Variants in STAG3 observed in about 807,000 individuals in gnomAD.
STAG3 encodes the protein cohesin subunit SA-3.
A neutral mutation model predicts 160.7 loss-of-function variants in STAG3; 101 were observed. That is an observed-to-expected ratio of 0.63 (90% CI 0.54 to 0.74). STAG3 has a LOEUF of 0.74. STAG3 is among the 30% of genes least tolerant of loss of function. The probability of loss-of-function intolerance (pLI) is 0.00; values close to 1 mark genes in which losing one functional copy is unlikely to be tolerated. For missense variants in STAG3, 1,188 were observed against 1,517.4 expected (o/e 0.78, Z 3.61); for synonymous variants, 519 against 585.0 (o/e 0.89, Z 1.63).
chr7:100,184,588 C>G (rs1207737096), intron 4 of STAG3, among the ~76,000 whole-genome samples: 5 of 151,118 alleles, frequency 3.3e-5, no homozygotes, highest in Non-Finnish European at 5.9e-5. Flanking sequence ...CTGCCTCAGC[C>G]TCCCGAGTAG....
chr7:100,182,691 T>A (rs371037935), intron 3 of STAG3, 32 bp from the exon 4 acceptor site: 1 of 1,607,232 alleles, frequency 6.2e-7, no homozygotes, highest in Admixed American at 1.7e-5. Flanking sequence ...TTTGTTTTTT[T>A]TTCATATTTC....
At chr7:100,210,790 A>G (rs530289623) in intron 29 of STAG3, among the ~76,000 whole-genome samples, 1 of 152,304 alleles carries the variant, frequency 6.6e-6, no homozygotes, top group African/African-American at 2.4e-5. Context: ...CTTCTTGGAC[A>G]AGGCCTAGCT....
At chr7:100,195,165 T>A in intron 8 of STAG3, 144 bp from the exon 9 acceptor site, 1 of 742,964 alleles carries the variant, frequency 1.3e-6, no homozygotes, top group Non-Finnish European at 2.4e-6. Context: ...ATTAGAAGGT[T>A]TAAAAGAGAG....
intron 4 of STAG3, among the ~76,000 whole-genome samples, chr7:100,185,731 AT>A (rs1799955268): frequency 1.3e-5 from 2 of 151,954 alleles, no homozygotes; most frequent in South Asian, 2.1e-4. Context: ...AGAAAGAATT[AT>A]TTTTTTTCCC....
At chr7:100,212,648 G>C (rs191620330) in intron 32 of STAG3, 1 of 152,022 alleles carries the variant, frequency 6.6e-6, no homozygotes, top group Admixed American at 6.6e-5. Flanking sequence ...TAGTAGAGAC[G>C]GGGTTTTGCC....
intron 25 of STAG3, among the ~76,000 whole-genome samples, chr7:100,203,418 T>C (rs1801328041): frequency 1.3e-5 from 2 of 152,174 alleles, no homozygotes; most frequent in Admixed American, 6.5e-5. Flanking sequence ...CCTGACCTTG[T>C]GATCCGCCCA....
intron 4 of STAG3, among the ~76,000 whole-genome samples, chr7:100,183,315 T>C (rs1463030589): frequency 2.0e-5 from 3 of 152,148 alleles, no homozygotes; most frequent in African/African-American, 7.2e-5. Flanking sequence ...CACCTGGCTT[T>C]GAGAGAGCAT....
Position 100,180,630 on chromosome 7 carries a change from G to T in STAG3, c.74G>T (p.Ser25Ile). Residue 25 changes from serine (S) to isoleucine (I), a missense_variant, in exon 2 of 34, where the codon AGT becomes ATT. By Grantham distance (142) the Ser-to-Ile change is moderately radical. Around this residue, in one of 4 missense-constraint regions of STAG3, gnomAD observed 296 missense variants for 404.0 expected, o/e 0.73. Transcript: ENST00000615138. ...ALSASSSSSA[S>I]LPFDDRDSNH... Reference sequence around the variant, plus strand: ...TCTGCATCTTCTAGTTCCTCTGCCAGTCTACCCTTTGATGACAGGGACTCA... The same window carrying T: ...TCTGCATCTTCTAGTTCCTCTGCCATTCTACCCTTTGATGACAGGGACTCA... 6.2e-7 allele frequency: 1 copy of T among 1,613,538 alleles called. No individual in the cohort carries two copies. The highest frequency in any genetic ancestry group is 8.5e-7 in the Non-Finnish European group (1 of 1,179,424).
At position 100,202,728 on chromosome 7, in the gene STAG3, G is replaced by A. The variant is rs976590747; in HGVS notation, c.2700+138G>A. 17 of 1,121,632 alleles carry A rather than the reference G, an allele frequency of 1.5e-5. No individual in the cohort carries two copies. In the African/African-American group the frequency reaches 1.7e-4, roughly 11 times the overall value. The allele number at this position is 1,121,632 out of a possible 1,614,324, so 69.5% of individuals were successfully genotyped here. A position where few individuals can be genotyped will look rare whatever the true frequency, so the allele number is the denominator to read the frequency against. ...GGAGAAGTAGGAGGGAAAGGCACTG[G>A]GAGTTCAGAATAAGGGGACAAAGAA... is the stretch of plus-strand genomic sequence containing the variant. On this transcript the variant is annotated intron_variant, in intron 25 of 33. Coordinates refer to ENST00000615138, the MANE Select transcript of STAG3 (RefSeq NM_001282717.2).
In STAG3 at chr7:100,204,744, C is replaced by T; in HGVS notation, c.2920C>T (p.Gln974Ter). The T allele has an allele frequency of 6.2e-7, 1 of 1,613,884 alleles. No homozygotes were observed. The highest frequency in any genetic ancestry group is 8.5e-7 in the Non-Finnish European group (1 of 1,179,992). The part of the protein sequence containing the change: ...FALSFGPQQL[Q>*]NRDLVVMLHK... ...CTTGAGTTTTGGACCCCAGCAGCTGCAGAACCGTGACCTCGTGGTCATGCT... is the reference window on the plus strand; with the variant it reads ...CTTGAGTTTTGGACCCCAGCAGCTGTAGAACCGTGACCTCGTGGTCATGCT... The change falls in exon 27 of 34, where the codon CAG becomes TAG. Residue 974 changes from glutamine (Q) to a stop codon, truncating the protein, a stop_gained. Coordinates refer to ENST00000615138, the MANE Select transcript of STAG3 (RefSeq NM_001282717.2). LOFTEE classifies it high-confidence loss of function.
chr7:100,192,148 G>A (rs1800381213), intron 8 of STAG3, among the ~76,000 whole-genome samples: 2 of 152,166 alleles, frequency 1.3e-5, no homozygotes, highest in Non-Finnish European at 2.9e-5. Flanking sequence ...TCATCCGTGA[G>A]GGTTAGAATC....
At chr7:100,178,574 C>CT (rs572856194) in intron 1 of STAG3, among the ~76,000 whole-genome samples, 755 of 134,882 alleles carry the variant, frequency 5.6e-3, no homozygotes, top group Non-Finnish European at 8.0e-3. Context: ...CCTTGCTTGG[C>CT]TTTTTTTTTT....
chr7:100,200,132 C>T (rs1801000006), intron 16 of STAG3, 104 bp from the exon 17 acceptor site: 4 of 740,360 alleles, frequency 5.4e-6, no homozygotes, highest in Non-Finnish European at 8.8e-6. Flanking sequence ...ACTGAGTTCT[C>T]TTTTCCTTCT....
intron 5 of STAG3, among the ~76,000 whole-genome samples, chr7:100,186,813 T>C (rs535349478): frequency 2.4e-4 from 37 of 152,334 alleles, no homozygotes; most frequent in African/African-American, 8.7e-4. Context: ...ATCACGCTTA[T>C]GTTATGGCAC....
chr7:100,197,079 G>A, intron 9 of STAG3, 77 bp from the exon 10 acceptor site: 2 of 1,561,254 alleles, frequency 1.3e-6, no homozygotes, highest in East Asian at 4.6e-5. Context: ...TTCCATGAGA[G>A]GGAGTTATCT....
chr7:100,216,029 C>T (rs1802721814), downstream of STAG3, among the ~76,000 whole-genome samples: 1 of 152,230 alleles, frequency 6.6e-6, no homozygotes, highest in Non-Finnish European at 1.5e-5. Context: ...TCCCAGCCAA[C>T]ATCCATGTTG....
intron 13 of STAG3, 74 bp from the exon 14 acceptor site, chr7:100,198,769 C>A (rs1254023710): frequency 3.6e-6 from 5 of 1,390,096 alleles, no homozygotes; most frequent in East Asian, 2.3e-5. Flanking sequence ...CTTGGGCCAT[C>A]TCCTCCCTCT....
chr7:100,182,801 C>A lies in STAG3; in HGVS notation c.298C>A (p.Leu100Ile). ...RKQSEPPANDLFNAVKAAKSD... is the reference protein window; with the variant it reads ...RKQSEPPANDIFNAVKAAKSD... ...ACAGTCAGAGCCACCAGCCAATGAT[C>A]TTTTCAATGCTGTGAAAGCCGCCAA... Residue 100 changes from leucine to isoleucine, a missense_variant, in exon 4 of 34, where the codon CTT becomes ATT. Around this residue, in one of 4 missense-constraint regions of STAG3, gnomAD observed 296 missense variants for 404.0 expected, o/e 0.73. Transcript: ENST00000615138. The A allele has an allele frequency of 1.2e-6, 2 of 1,613,906 alleles. No individual in the cohort carries two copies. The highest frequency in any genetic ancestry group is 2.2e-5 in the East Asian group (1 of 44,888).
chr7:100,201,188 C>G (rs1801100884), intron 20 of STAG3, 28 bp downstream of exon 20: 1 of 1,614,140 alleles, frequency 6.2e-7, no homozygotes, highest in South Asian at 1.1e-5. Flanking sequence ...TCTTCCCCAT[C>G]CCGTTTTTAC....
Sources: gnomAD v4.1 joint callset for allele counts (sites outside exome capture counted in the v4.1 genomes callset) on GRCh38, gnomAD v4.1.1 for gene constraint, gnomAD v4.1.1 regional missense constraint, MANE v1.5 for transcripts, NCBI Gene and HGNC (gene_info 2026-07-23, HGNC 2026-07-21) for gene names.